DLG2: variants seen among roughly 807,000 people sequenced by gnomAD.
DLG2 encodes discs large MAGUK scaffold protein 2.
Under a neutral mutation model 132.5 loss-of-function variants are expected in DLG2, and 45 were observed. The observed-to-expected ratio is 0.34, with a 90% CI of 0.27 to 0.44. The LOEUF (loss-of-function observed/expected upper bound fraction) is 0.44, where lower values mean the gene tolerates loss of function less well. Among genes scored for constraint, DLG2 ranks in the 20% least tolerant of loss-of-function variants. The probability of loss-of-function intolerance (pLI) is 1.00; values close to 1 mark genes in which losing one functional copy is unlikely to be tolerated. For missense variants in DLG2, 1,045 were observed against 1,196.9 expected (o/e 0.87, Z 1.87); for synonymous variants, 424 against 419.6 (o/e 1.01, Z -0.13).
At chr11:83,762,816 C>T (rs973100230) in intron 18 of DLG2, among the ~76,000 whole-genome samples, 1 of 152,134 alleles carries the variant, frequency 6.6e-6, no homozygotes, top group African/African-American at 2.4e-5. Flanking sequence ...CTTCTGACCT[C>T]GTGATCTGCC....
In DLG2 at chr11:85,322,811, AAAT is replaced by A. The variant is rs1355979554; in HGVS notation, c.41-37449_41-37447del. 6.6e-5 allele frequency among the ~76,000 whole-genome samples: 10 copies of A among 152,256 alleles called. No homozygotes were observed. The East Asian group carries it at 1.9e-3, about 29-fold the overall frequency. Reference sequence around the variant, plus strand: ...ATGAAGTCTATAGATCCTATATAATAAATATCTCTTGATTTGTCAATTTTTCCC... The same window carrying A: ...ATGAAGTCTATAGATCCTATATAATAATCTCTTGATTTGTCAATTTTTCCC... On this transcript the variant is annotated intron_variant, in intron 3 of 27. Coordinates refer to ENST00000376104, the MANE Select transcript of DLG2 (RefSeq NM_001142699.3).
At chr11:85,493,195 G>A (rs1339396652) in intron 3 of DLG2, among the ~76,000 whole-genome samples, 1 of 152,108 alleles carries the variant, frequency 6.6e-6, no homozygotes, top group Non-Finnish European at 1.5e-5. Flanking sequence ...TACATGAGGT[G>A]CAATGTATTA....
chr11:84,416,932 G>T (rs1038192370), intron 7 of DLG2, among the ~76,000 whole-genome samples: 14 of 152,318 alleles, frequency 9.2e-5, no homozygotes, highest in South Asian at 6.2e-4. Flanking sequence ...GAATTGAAAA[G>T]AATGGATTGC....
intron 6 of DLG2, among the ~76,000 whole-genome samples, chr11:84,847,023 C>A (rs890488887): frequency 1.3e-5 from 2 of 151,996 alleles, no homozygotes; most frequent in Non-Finnish European, 1.5e-5. Flanking sequence ...AATTTAGAGA[C>A]CCTCAGAAGA....
intron 6 of DLG2, among the ~76,000 whole-genome samples, chr11:85,007,383 G>A (rs143012387): frequency 0.014 from 2,103 of 152,106 alleles, 48 homozygotes; most frequent in African/African-American, 0.047. Context: ...AGATATGGCC[G>A]GGCGCAGTGG....
At chr11:84,883,669 A>G (rs1328368878) in intron 6 of DLG2, among the ~76,000 whole-genome samples, 1 of 152,120 alleles carries the variant, frequency 6.6e-6, no homozygotes, top group Non-Finnish European at 1.5e-5. Flanking sequence ...CATCATTGCT[A>G]AAATATTCAC....
At chr11:83,800,059 C>G (rs190233724) in intron 17 of DLG2, among the ~76,000 whole-genome samples, 1 of 152,094 alleles carries the variant, frequency 6.6e-6, no homozygotes, top group African/African-American at 2.4e-5. Flanking sequence ...ATTGTTGAAC[C>G]CTCTCCTGAC....
chr11:84,503,392 A>T (rs2099227939), intron 7 of DLG2, among the ~76,000 whole-genome samples: 1 of 152,246 alleles, frequency 6.6e-6, no homozygotes. Flanking sequence ...CATAAAGATC[A>T]GAACAAATGA....
rs770756164 is a variant in DLG2 at position 85,307,297 on chromosome 11, TC to T, written c.41-21933del. ...AACAGAAATCGAAGAAATAGAAGACTCAAGACAAGTAATAAAAGAAAGATTG... is the reference window on the plus strand; with the variant it reads ...AACAGAAATCGAAGAAATAGAAGACTAAGACAAGTAATAAAAGAAAGATTG... On this transcript the variant is annotated intron_variant, in intron 3 of 27. Coordinates refer to ENST00000376104, the MANE Select transcript of DLG2 (RefSeq NM_001142699.3). Among the ~76,000 whole-genome samples the T allele has an allele frequency of 4.0e-5, 6 of 151,730 alleles. 1 individual carries two copies. In the South Asian group the frequency reaches 1.2e-3, roughly 32 times the overall value.
intron 6 of DLG2, among the ~76,000 whole-genome samples, chr11:85,024,737 C>A (rs1277817451): frequency 6.6e-6 from 1 of 152,204 alleles, no homozygotes; most frequent in Non-Finnish European, 1.5e-5. Flanking sequence ...AACGTACTCC[C>A]CTTGGAATTC....
chr11:83,994,580 CT>C (rs2093920482), intron 11 of DLG2, among the ~76,000 whole-genome samples: 1 of 152,054 alleles, frequency 6.6e-6, no homozygotes, highest in Non-Finnish European at 1.5e-5. Context: ...ATAAAAATCA[CT>C]GGATCTTTTT....
At chr11:85,229,873 G>A (rs1475508462) in intron 4 of DLG2, among the ~76,000 whole-genome samples, 2 of 152,066 alleles carry the variant, frequency 1.3e-5, no homozygotes, top group South Asian at 4.1e-4. Context: ...AGCATTCTCA[G>A]CAAACTACAC....
At chr11:84,759,626 A>G (rs1243863011) in intron 6 of DLG2, among the ~76,000 whole-genome samples, 1 of 152,156 alleles carries the variant, frequency 6.6e-6, no homozygotes, top group Non-Finnish European at 1.5e-5. Context: ...GGACCACCCT[A>G]TTTTTATGAA....
intron 7 of DLG2, among the ~76,000 whole-genome samples, chr11:84,486,915 T>C (rs916769575): frequency 5.3e-5 from 8 of 152,134 alleles, no homozygotes; most frequent in African/African-American, 1.9e-4. Context: ...ATATAATGCA[T>C]GTATAAGACA....
chr11:83,650,980 A>C (rs1427444242), intron 18 of DLG2, among the ~76,000 whole-genome samples: 2 of 152,096 alleles, frequency 1.3e-5, no homozygotes, highest in Non-Finnish European at 2.9e-5. Context: ...TGCTCTTTTA[A>C]ATGAAATTAA....
At chr11:85,014,010 T>C (rs1386571292) in intron 6 of DLG2, among the ~76,000 whole-genome samples, 6 of 152,210 alleles carry the variant, frequency 3.9e-5, no homozygotes, top group African/African-American at 7.2e-5. Flanking sequence ...TTAATTTGTA[T>C]ATCAAAATCT....
chr11:83,916,176 T>G (rs2076889818), intron 15 of DLG2, among the ~76,000 whole-genome samples: 2 of 152,212 alleles, frequency 1.3e-5, no homozygotes. Context: ...GTTTCCATAT[T>G]TTGGCTATAT....
intron 7 of DLG2, among the ~76,000 whole-genome samples, chr11:84,361,361 A>G (rs2098648761): frequency 2.0e-5 from 3 of 152,106 alleles, no homozygotes; most frequent in Non-Finnish European, 4.4e-5. Context: ...TACTTTCCAT[A>G]AAGAACAAAG....
intron 18 of DLG2, among the ~76,000 whole-genome samples, chr11:83,751,082 G>C (rs2093276004): frequency 1.3e-5 from 2 of 152,186 alleles, no homozygotes; most frequent in Non-Finnish European, 2.9e-5. Flanking sequence ...AGAATACAAA[G>C]CAGAGAAGTG....
Sources: allele counts gnomAD v4.1 joint callset (sites outside exome capture counted in the v4.1 genomes callset), GRCh38; gene constraint gnomAD v4.1.1; transcripts MANE v1.5; gene names NCBI Gene and HGNC (gene_info 2026-07-23, HGNC 2026-07-21).